The following RABGAP1L variants were observed in gnomAD, a reference collection of about 807,000 sequenced individuals.
RABGAP1L encodes the protein rab GTPase-activating protein 1-like.
In RABGAP1L, 63 loss-of-function variants were observed where a neutral mutation model predicts 137.7. That is an observed-to-expected ratio of 0.46 (90% CI 0.37 to 0.56). The LOEUF (loss-of-function observed/expected upper bound fraction) is 0.56. Among genes scored for constraint, RABGAP1L ranks in the 20% least tolerant of loss-of-function variants. The pLI is 0.00. For missense variants in RABGAP1L, 1,095 were observed against 1,244.0 expected (o/e 0.88, Z 1.80); for synonymous variants, 431 against 433.7 (o/e 0.99, Z 0.08).
intron 11 of RABGAP1L, chr1:174,367,215 T>C (rs1684714413): frequency 6.5e-6 from 1 of 152,742 alleles, no homozygotes; most frequent in Admixed American, 6.5e-5. Context: ...TCCAACACTA[T>C]TTATGTCAAA....
intron 13 of RABGAP1L, among the ~76,000 whole-genome samples, chr1:174,451,682 A>G (rs1483817430): frequency 6.6e-6 from 1 of 152,086 alleles, no homozygotes; most frequent in African/African-American, 2.4e-5. Flanking sequence ...CCTTTTCCCT[A>G]CAATATTTCT....
chr1:174,781,222 C>G, intron 18 of RABGAP1L, among the ~76,000 whole-genome samples: 1 of 152,210 alleles, frequency 6.6e-6, no homozygotes, highest in Non-Finnish European at 1.5e-5. Flanking sequence ...CACATCCTCT[C>G]CAGCACCTGT....
At chr1:174,714,687 A>C (rs1300202335) in intron 17 of RABGAP1L, among the ~76,000 whole-genome samples, 1 of 152,192 alleles carries the variant, frequency 6.6e-6, no homozygotes, top group Non-Finnish European at 1.5e-5. Flanking sequence ...ATCCAGGAGA[A>C]GTTGAGCAAG....
At chr1:174,882,679 CAG>C (rs1371296457) in intron 19 of RABGAP1L, among the ~76,000 whole-genome samples, 2 of 152,130 alleles carry the variant, frequency 1.3e-5, no homozygotes, top group African/African-American at 4.8e-5. Context: ...ACATAAATTA[CAG>C]ATAAGAAAAA....
At chr1:174,404,017 A>G (rs1347225952) in intron 13 of RABGAP1L, among the ~76,000 whole-genome samples, 1 of 152,120 alleles carries the variant, frequency 6.6e-6, no homozygotes, top group Non-Finnish European at 1.5e-5. Context: ...TCACTTATTC[A>G]CCAACTCTTG....
chr1:174,576,907 G>A (rs1253558728), intron 13 of RABGAP1L, among the ~76,000 whole-genome samples: 1 of 152,158 alleles, frequency 6.6e-6, no homozygotes, highest in East Asian at 1.9e-4. Context: ...TATTGGCTGG[G>A]TGCAGTGGCT....
intron 15 of RABGAP1L, among the ~76,000 whole-genome samples, chr1:174,692,239 C>A (rs1678924365): frequency 6.6e-6 from 1 of 152,036 alleles, no homozygotes; most frequent in Non-Finnish European, 1.5e-5. Context: ...AGGTTCTATG[C>A]CAAGAGTTGT....
intron 19 of RABGAP1L, among the ~76,000 whole-genome samples, chr1:174,906,869 G>C (rs562523191): frequency 2.0e-5 from 3 of 148,240 alleles, no homozygotes; most frequent in African/African-American, 7.6e-5. Flanking sequence ...AGGCCATGAG[G>C]GGATGAAGTG....
Position 174,608,164 on chromosome 1 carries a change from T to G in RABGAP1L, c.1711-29211T>G, listed in dbSNP as rs779710889. 1.6e-4 allele frequency among the ~76,000 whole-genome samples: 24 copies of G among 152,334 alleles called. 2 individuals carry two copies. The highest frequency in any genetic ancestry group is 6.8e-3 in the Middle Eastern group (2 of 294). On this transcript the variant is annotated intron_variant, in intron 13 of 25. Coordinates refer to ENST00000681986, the MANE Select transcript of RABGAP1L (RefSeq NM_001366446.1). The stretch of plus-strand genomic sequence containing the variant: ...ATCCTAGCTTTCATATGTGCCTAAG[T>G]GTGAGGCATGACTCACCTTCCACTT...
intron 11 of RABGAP1L, among the ~76,000 whole-genome samples, chr1:174,330,101 G>A (rs762302464): frequency 1.2e-4 from 19 of 152,100 alleles, no homozygotes; most frequent in South Asian, 1.0e-3. Flanking sequence ...TAACAAGGAC[G>A]AAATCAAGTT....
At chr1:174,349,016 C>T (rs1185339146) in intron 11 of RABGAP1L, among the ~76,000 whole-genome samples, 2 of 151,802 alleles carry the variant, frequency 1.3e-5, no homozygotes, top group African/African-American at 4.8e-5. Context: ...AGGCGCCCCT[C>T]ACCTCCCGGA....
rs367932623 is a variant in RABGAP1L at position 174,444,663 on chromosome 1, A to G, written c.1710+50518A>G. Among the ~76,000 whole-genome samples, 8 of 152,090 alleles carry G rather than the reference A, an allele frequency of 5.3e-5. 1 individual carries two copies. Among genetic ancestry groups the G allele is most frequent in the Admixed American group, 6.5e-5 (1 of 15,276 alleles). On this transcript the variant is annotated intron_variant, in intron 13 of 25. Coordinates refer to ENST00000681986, the MANE Select transcript of RABGAP1L (RefSeq NM_001366446.1). ...AGATTTTCTATTTCTTCATGGTTCA[A>G]TCTTGGTAGATTGTATGTGTCCAGG...
chr1:174,890,322 A>G (rs1371437400), intron 19 of RABGAP1L, among the ~76,000 whole-genome samples: 1 of 152,100 alleles, frequency 6.6e-6, no homozygotes, highest in Non-Finnish European at 1.5e-5. Flanking sequence ...CTGAAATGGG[A>G]TATTCTATCT....
chr1:174,688,073 G>A (rs1678610084), intron 15 of RABGAP1L, among the ~76,000 whole-genome samples: 1 of 152,016 alleles, frequency 6.6e-6, no homozygotes, highest in Admixed American at 6.6e-5. Flanking sequence ...ATTTACAGTT[G>A]GAGAATGTTA....
intron 19 of RABGAP1L, among the ~76,000 whole-genome samples, chr1:174,817,920 C>T (rs1558111464): frequency 6.6e-6 from 1 of 152,082 alleles, no homozygotes; most frequent in Non-Finnish European, 1.5e-5. Flanking sequence ...AGCGATAGCA[C>T]TTAGGATTCT....
At chr1:174,276,928 C>T (rs1322148479) in intron 9 of RABGAP1L, among the ~76,000 whole-genome samples, 1 of 151,972 alleles carries the variant, frequency 6.6e-6, no homozygotes, top group Non-Finnish European at 1.5e-5. Flanking sequence ...TATGCCTACC[C>T]TAAGTGCTTT....
chr1:174,497,199 T>A (rs1380718567), intron 13 of RABGAP1L, among the ~76,000 whole-genome samples: 1 of 152,212 alleles, frequency 6.6e-6, no homozygotes, highest in East Asian at 1.9e-4. Flanking sequence ...CCTGTAGCTA[T>A]CTTTACTGAA....
At chr1:174,380,372 C>G (rs1264334881) in intron 12 of RABGAP1L, among the ~76,000 whole-genome samples, 1 of 151,690 alleles carries the variant, frequency 6.6e-6, no homozygotes. Context: ...GGTACCGGTT[C>G]CTCCTTGTAC....
At chr1:174,283,906 G>A (rs1394089960) in intron 10 of RABGAP1L, among the ~76,000 whole-genome samples, 2 of 152,122 alleles carry the variant, frequency 1.3e-5, no homozygotes, top group Non-Finnish European at 2.9e-5. Context: ...TATCTCAGCA[G>A]TTATGTCACT....
Sources: allele counts gnomAD v4.1 joint callset (sites outside exome capture counted in the v4.1 genomes callset), GRCh38; gene constraint gnomAD v4.1.1; transcripts MANE v1.5; gene names NCBI Gene and HGNC (gene_info 2026-07-23, HGNC 2026-07-21).